The following SP140L variants were observed in gnomAD, a reference collection of about 807,000 sequenced individuals.
SP140L encodes SP140 like nuclear body protein, also known as nuclear body protein SP140-like protein.
In SP140L, 64 loss-of-function variants were observed where a neutral mutation model predicts 84.3. The ratio of observed to expected loss-of-function variants is 0.76; its 90% confidence interval spans 0.62 to 0.94. The LOEUF (loss-of-function observed/expected upper bound fraction) is 0.94, where lower values mean the gene tolerates loss of function less well. Among genes scored for constraint, SP140L ranks in the 40% least tolerant of loss-of-function variants. The pLI is 0.00. For synonymous variants in SP140L, 242 were observed against 236.9 expected, an observed-to-expected ratio of 1.02 and a Z score of -0.20; for missense variants, 628 against 692.5, an observed-to-expected ratio of 0.91 and a Z score of 1.05.
chr2:230,381,061 G>C (rs13383916), intron 7 of SP140L, among the ~76,000 whole-genome samples: 34,934 of 151,980 alleles, frequency 0.23, 4,243 homozygotes, highest in Non-Finnish European at 0.28. Flanking sequence ...TGGTGCAGAG[G>C]AAGCCCAGGT....
chr2:230,361,817 T>C (rs952735538), intron 5 of SP140L, 120 bp downstream of exon 5: 14 of 735,214 alleles, frequency 1.9e-5, no homozygotes, highest in Non-Finnish European at 3.2e-5. Flanking sequence ...GGAAGGACCA[T>C]GGAGAAGTCA....
At chr2:230,399,174 T>A (rs2062196572) in intron 14 of SP140L, among the ~76,000 whole-genome samples, 1 of 152,254 alleles carries the variant, frequency 6.6e-6, no homozygotes, top group Non-Finnish European at 1.5e-5. Context: ...ATACAGCATA[T>A]AATGTATTGG....
chr2:230,335,693 A>C (rs1431819447), intron 2 of SP140L, among the ~76,000 whole-genome samples: 1 of 152,218 alleles, frequency 6.6e-6, no homozygotes, highest in East Asian at 1.9e-4. Flanking sequence ...AACTAATGTC[A>C]GATGGGAGAG....
chr2:230,400,029 A>G (rs1450418804), intron 14 of SP140L, 98 bp from the exon 15 acceptor site: 5 of 1,278,270 alleles, frequency 3.9e-6, no homozygotes, highest in Non-Finnish European at 5.6e-6. Context: ...GCCTGTCTAT[A>G]CAGGCTCACA....
chr2:230,357,721 A>T lies in SP140L; in HGVS notation c.108-84A>T. The stretch of plus-strand genomic sequence containing the variant: ...TATATATGTTGGTTCTTCATAGCTT[A>T]TCCGTTATACATAAAATCTTACCAT... On this transcript the variant is annotated intron_variant, in intron 2 of 18. Transcript: ENST00000415673. The T allele has an allele frequency of 2.2e-6, 3 of 1,378,874 alleles. No individual in the cohort carries two copies. In the South Asian group the frequency reaches 4.1e-5, roughly 19 times the overall value. 85.4% of individuals were successfully genotyped at this position (1,378,874 alleles called of 1,614,324 possible). A position where few individuals can be genotyped will look rare whatever the true frequency, so the allele number is the denominator to read the frequency against.
intron 9 of SP140L, 87 bp from the exon 10 acceptor site, chr2:230,388,472 A>C: frequency 9.1e-7 from 1 of 1,097,336 alleles, no homozygotes; most frequent in Non-Finnish European, 1.3e-6. Flanking sequence ...TTGGAAAGTT[A>C]CATTTAAATG....
At chr2:230,348,159 G>T (rs890130802) in intron 2 of SP140L, among the ~76,000 whole-genome samples, 7 of 152,164 alleles carry the variant, frequency 4.6e-5, no homozygotes, top group African/African-American at 1.7e-4. Flanking sequence ...TGCCAGCCTT[G>T]GGGAGGAGCA....
At chr2:230,391,668 T>C (rs2061811514) in intron 11 of SP140L, 1 of 177,904 alleles carries the variant, frequency 5.6e-6, no homozygotes, top group Non-Finnish European at 1.2e-5. Flanking sequence ...GGCACCTATC[T>C]CAGACTGTAC....
chr2:230,386,483 C>T (rs2061586186), intron 9 of SP140L, among the ~76,000 whole-genome samples: 1 of 152,150 alleles, frequency 6.6e-6, no homozygotes, highest in Non-Finnish European at 1.5e-5. Flanking sequence ...TTTAAAACAA[C>T]TTTAAATTAT....
At chr2:230,342,384 C>G (rs949683350) in intron 2 of SP140L, among the ~76,000 whole-genome samples, 1 of 152,188 alleles carries the variant, frequency 6.6e-6, no homozygotes, top group African/African-American at 2.4e-5. Context: ...TGACCTGCGC[C>G]CACTGTCTGG....
intron 5 of SP140L, 81 bp downstream of exon 5, chr2:230,361,778 G>C (rs1354498592): frequency 9.4e-7 from 1 of 1,066,558 alleles, no homozygotes; most frequent in Admixed American, 2.3e-5. Context: ...AAGGTCCTGA[G>C]GGGAAATTGT....
At chr2:230,376,897 C>A (rs781706228) in intron 7 of SP140L, among the ~76,000 whole-genome samples, 1 of 152,052 alleles carries the variant, frequency 6.6e-6, no homozygotes, top group Non-Finnish European at 1.5e-5. Context: ...ATAGGGAACC[C>A]GGAAATAAAC....
At chr2:230,375,240 T>C (rs2061206078) in intron 7 of SP140L, among the ~76,000 whole-genome samples, 2 of 152,180 alleles carry the variant, frequency 1.3e-5, no homozygotes, top group African/African-American at 4.8e-5. Context: ...GAAACATGAT[T>C]TTATATATAT....
At chr2:230,340,414 C>T (rs1213741408) in intron 2 of SP140L, among the ~76,000 whole-genome samples, 1 of 148,706 alleles carries the variant, frequency 6.7e-6, no homozygotes, top group Non-Finnish European at 1.5e-5. Context: ...TTCCTGAATA[C>T]AGCACACTGA....
At chr2:230,339,939 G>A (rs1272095707) in intron 2 of SP140L, among the ~76,000 whole-genome samples, 1 of 150,734 alleles carries the variant, frequency 6.6e-6, no homozygotes, top group East Asian at 1.9e-4. Context: ...TTTGGAATAG[G>A]TGTGGTGCTG....
At chr2:230,399,094 T>C (rs1374492647) in intron 14 of SP140L, among the ~76,000 whole-genome samples, 2 of 152,240 alleles carry the variant, frequency 1.3e-5, no homozygotes, top group Admixed American at 6.5e-5. Context: ...TACAGCACTT[T>C]TCCCTTGAAC....
At chr2:230,341,201 T>C (rs2060031595) in intron 2 of SP140L, among the ~76,000 whole-genome samples, 6 of 142,084 alleles carry the variant, frequency 4.2e-5, no homozygotes, top group Admixed American at 2.8e-4. Context: ...CTTTTTATTC[T>C]TTTTTCTCTA....
chr2:230,380,012 T>G (rs1242012018), intron 7 of SP140L, among the ~76,000 whole-genome samples: 1 of 152,182 alleles, frequency 6.6e-6, no homozygotes, highest in Non-Finnish European at 1.5e-5. Flanking sequence ...CTATCTGTAT[T>G]AGCCCATTTT....
chr2:230,361,346 C>A (rs1472630367), intron 4 of SP140L, among the ~76,000 whole-genome samples: 1 of 152,158 alleles, frequency 6.6e-6, no homozygotes, highest in African/African-American at 2.4e-5. Flanking sequence ...GTATGCCTAC[C>A]CTGCCATCTG....
Sources: allele counts gnomAD v4.1 joint callset (sites outside exome capture counted in the v4.1 genomes callset), GRCh38; gene constraint gnomAD v4.1.1; transcripts MANE v1.5; gene names NCBI Gene and HGNC (gene_info 2026-07-23, HGNC 2026-07-21).